Variants in MCC observed in about 807,000 individuals in gnomAD.
MCC encodes colorectal mutant cancer protein.
In MCC, 90 loss-of-function variants were observed where a neutral mutation model predicts 116.2. That is an observed-to-expected ratio of 0.77 (90% CI 0.65 to 0.92). The LOEUF (loss-of-function observed/expected upper bound fraction) is 0.92, where lower values mean the gene tolerates loss of function less well. Among genes scored for constraint, MCC ranks in the 40% least tolerant of loss-of-function variants. MCC has a pLI of 0.00. For missense variants in MCC, 1,516 were observed against 1,312.2 expected, an observed-to-expected ratio of 1.16 and a Z score of -2.40; for synonymous variants, 578 against 510.5, an observed-to-expected ratio of 1.13 and a Z score of -1.78.
intron 3 of MCC, among the ~76,000 whole-genome samples, chr5:113,195,246 A>C (rs1156611318): frequency 6.6e-6 from 1 of 152,230 alleles, no homozygotes; most frequent in Non-Finnish European, 1.5e-5. Flanking sequence ...TGTGCTCGGA[A>C]GGGGTGACCA....
At chr5:113,171,225 T>C (rs1054231384) in intron 3 of MCC, among the ~76,000 whole-genome samples, 4 of 151,738 alleles carry the variant, frequency 2.6e-5, no homozygotes, top group Admixed American at 6.6e-5. Flanking sequence ...GGAGGAAGCA[T>C]AGAAAATAGA....
intron 1 of MCC, among the ~76,000 whole-genome samples, chr5:113,455,754 T>C (rs1357668743): frequency 6.6e-6 from 1 of 152,202 alleles, no homozygotes; most frequent in Non-Finnish European, 1.5e-5. Flanking sequence ...TCATACTAAA[T>C]GGAATAAAGA....
At position 113,234,176 on chromosome 5, in the gene MCC, C is replaced by G. The variant is rs1342667258; in HGVS notation, c.628-82754G>C. Among the ~76,000 whole-genome samples the G allele has an allele frequency of 2.0e-5, 3 of 152,224 alleles. No individual in the cohort carries two copies. The South Asian group carries it at 6.2e-4, about 32-fold the overall frequency. ...TGAAAATGAAATGGCCTAATCATTA[C>G]TTTGATGATAAAAGACATTAAAATA... is the stretch of plus-strand genomic sequence containing the variant. On this transcript the variant is annotated intron_variant, in intron 3 of 18. Transcript: ENST00000408903.
chr5:113,130,731 T>G (rs1758375461), intron 5 of MCC, among the ~76,000 whole-genome samples: 1 of 152,154 alleles, frequency 6.6e-6, no homozygotes, highest in East Asian at 1.9e-4. Context: ...TCAGGCCATG[T>G]GATCTCTGCA....
At chr5:113,216,258 T>A (rs189801339) in intron 3 of MCC, among the ~76,000 whole-genome samples, 4 of 152,356 alleles carry the variant, frequency 2.6e-5, no homozygotes, top group Admixed American at 2.0e-4. Context: ...CTACCTATTA[T>A]AACTTATGGG....
chr5:113,151,069 G>A (rs944600419), intron 4 of MCC, among the ~76,000 whole-genome samples: 6 of 152,150 alleles, frequency 3.9e-5, no homozygotes, highest in Non-Finnish European at 4.4e-5. Context: ...GTAGCCATTC[G>A]GAAGGAATCC....
At chr5:113,261,155 T>C (rs760155541) in intron 3 of MCC, among the ~76,000 whole-genome samples, 12 of 152,212 alleles carry the variant, frequency 7.9e-5, no homozygotes, top group Non-Finnish European at 1.5e-4. Context: ...CTAAACGTAA[T>C]AGCTTGGCCT....
At chr5:113,143,172 G>A (rs770209412) in intron 5 of MCC, 46 bp downstream of exon 5, 2 of 1,532,292 alleles carry the variant, frequency 1.3e-6, no homozygotes, top group Non-Finnish European at 1.7e-6. Flanking sequence ...CCAAGATGGA[G>A]GGTTTAGCAG....
chr5:113,453,143 T>A (rs903590581), intron 1 of MCC, among the ~76,000 whole-genome samples: 1 of 152,178 alleles, frequency 6.6e-6, no homozygotes, highest in South Asian at 2.1e-4. Context: ...TTTTCCAGCG[T>A]GAACGCATGT....
rs35555142 is a variant in MCC at position 113,071,117 on chromosome 5, C to T, written c.1902G>A (p.Ala634=). The change falls in exon 12 of 19, where the codon GCG becomes GCA. Residue 634 remains alanine (A), a synonymous_variant. Transcript: ENST00000408903. ...ACCTGTACTGCAAGGCCAGCCTCAG[C>T]GCTGTGGCATTGGATTCGTATTTTC... ...LVGKYESNAT[A]LRLALQYSEQ... The T allele has an allele frequency of 7.8e-3, 12,546 of 1,611,082 alleles. 53 individuals carry two copies. The highest frequency in any genetic ancestry group is 9.0e-3 in the Non-Finnish European group (10,651 of 1,179,082).
At chr5:113,317,974 C>A (rs1767325743) in intron 3 of MCC, among the ~76,000 whole-genome samples, 1 of 151,890 alleles carries the variant, frequency 6.6e-6, no homozygotes, top group Admixed American at 6.6e-5. Flanking sequence ...CAGAGGGAGA[C>A]CTAAATGCTT....
intron 1 of MCC, among the ~76,000 whole-genome samples, chr5:113,468,471 T>C (rs1422833353): frequency 1.3e-5 from 2 of 152,366 alleles, no homozygotes; most frequent in South Asian, 2.1e-4. Context: ...TCTGTTTACA[T>C]GTTGGATTAC....
intron 1 of MCC, among the ~76,000 whole-genome samples, chr5:113,421,031 A>AT (rs151061254): frequency 0.19 from 28,973 of 150,052 alleles, 2,904 homozygotes; most frequent in Non-Finnish European, 0.22. Flanking sequence ...TTATTTATTT[A>AT]TTTTTTTTTT....
intron 3 of MCC, among the ~76,000 whole-genome samples, chr5:113,165,516 G>A (rs1231797056): frequency 6.6e-6 from 1 of 152,132 alleles, no homozygotes; most frequent in East Asian, 1.9e-4. Context: ...CGCTGCAGAT[G>A]GGATAGCTAA....
intron 3 of MCC, among the ~76,000 whole-genome samples, chr5:113,249,617 C>G (rs1445611849): frequency 6.6e-6 from 1 of 152,132 alleles, no homozygotes. Context: ...GCTCACCCCC[C>G]AAAAATAAGC....
rs77522100 is a variant in MCC, at chr5:113,333,401, T to A, written c.627+7118A>T. ...ACCAGCCTAAAGTAAAAAGGCTGCT[T>A]GGAGTTTTTGACTGTTGGATACACA... On this transcript the variant is annotated intron_variant, in intron 3 of 18. Transcript: ENST00000408903. Among the ~76,000 whole-genome samples, 7 of 151,710 alleles carry A rather than the reference T, an allele frequency of 4.6e-5. No homozygotes were observed. The East Asian group carries it at 1.3e-3, about 29-fold the overall frequency.
At chr5:113,210,081 G>A (rs1374220237) in intron 3 of MCC, among the ~76,000 whole-genome samples, 1 of 152,110 alleles carries the variant, frequency 6.6e-6, no homozygotes, top group Non-Finnish European at 1.5e-5. Context: ...TATACCCTAT[G>A]ACATTCATTA....
intron 1 of MCC, among the ~76,000 whole-genome samples, chr5:113,475,146 C>A (rs17389402): frequency 0.034 from 5,132 of 152,298 alleles, 136 homozygotes; most frequent in African/African-American, 0.073. Context: ...GTGTACTAAA[C>A]AATGTCACTT....
intron 1 of MCC, among the ~76,000 whole-genome samples, chr5:113,487,918 G>A (rs558834595): frequency 9.9e-5 from 15 of 152,222 alleles, no homozygotes; most frequent in Admixed American, 9.8e-4. Context: ...CTCCTACCTG[G>A]GACAAGCGGC....
Sources: gnomAD v4.1 joint callset for allele counts (sites outside exome capture counted in the v4.1 genomes callset) on GRCh38, gnomAD v4.1.1 for gene constraint, MANE v1.5 for transcripts, NCBI Gene and HGNC (gene_info 2026-07-23, HGNC 2026-07-21) for gene names.